PLXNA4: variants seen among roughly 807,000 people sequenced by gnomAD.
The protein encoded by PLXNA4 is plexin A4.
PLXNA4 carries 44 observed loss-of-function variants against 191.8 expected under a neutral mutation model. The ratio of observed to expected loss-of-function variants is 0.23; its 90% CI spans 0.18 to 0.29. The LOEUF is 0.29. PLXNA4 is among the 10% of genes least tolerant of loss of function. The pLI, the probability that PLXNA4 is intolerant of heterozygous loss-of-function variation, is 1.00. For synonymous variants in PLXNA4, 1,082 were observed against 1,009.5 expected (o/e 1.07, Z -1.36); for missense variants, 1,800 against 2,488.8 (o/e 0.72, Z 5.89).
chr7:132,641,927 G>A (rs1340308177), intron 2 of PLXNA4, among the ~76,000 whole-genome samples: 1 of 152,168 alleles, frequency 6.6e-6, no homozygotes, highest in African/African-American at 2.4e-5. Context: ...ATTTAAAAGT[G>A]AGACACATCC....
chr7:132,434,406 G>A (rs1006366016), intron 3 of PLXNA4, among the ~76,000 whole-genome samples: 6 of 152,154 alleles, frequency 3.9e-5, no homozygotes, highest in African/African-American at 1.4e-4. Flanking sequence ...AGGGCAGAGA[G>A]GTAGGTGAAC....
chr7:132,494,895 A>G (rs1386096870), intron 2 of PLXNA4, among the ~76,000 whole-genome samples: 3 of 152,182 alleles, frequency 2.0e-5, no homozygotes, highest in Non-Finnish European at 4.4e-5. Flanking sequence ...CCACTGCCCA[A>G]GGACCCCAGA....
At chr7:132,369,685 C>T (rs567257990) in intron 3 of PLXNA4, among the ~76,000 whole-genome samples, 1 of 152,120 alleles carries the variant, frequency 6.6e-6, no homozygotes, top group Non-Finnish European at 1.5e-5. Context: ...AAGAGCTCAT[C>T]AAAGAAAGGG....
intron 3 of PLXNA4, among the ~76,000 whole-genome samples, chr7:132,479,594 G>C (rs1335550923): frequency 6.6e-6 from 1 of 152,226 alleles, no homozygotes; most frequent in Non-Finnish European, 1.5e-5. Flanking sequence ...GGCAGTGGGT[G>C]TCCAGGAGTG....
At chr7:132,599,613 G>T (rs1247500916) in intron 2 of PLXNA4, among the ~76,000 whole-genome samples, 2 of 151,614 alleles carry the variant, frequency 1.3e-5, no homozygotes, top group African/African-American at 4.8e-5. Flanking sequence ...GTGTTTTCTA[G>T]GTAAGTGATC....
chr7:132,569,941 T>C (rs1801897841), intron 1 of PLXNA4, among the ~76,000 whole-genome samples: 1 of 152,234 alleles, frequency 6.6e-6, no homozygotes, highest in Non-Finnish European at 1.5e-5. Context: ...AAATTTTCAC[T>C]GTAGAAGCCA....
intron 1 of PLXNA4, among the ~76,000 whole-genome samples, chr7:132,510,548 C>T (rs1447773503): frequency 2.0e-5 from 3 of 152,160 alleles, no homozygotes; most frequent in African/African-American, 7.2e-5. Context: ...AATGCGTAGT[C>T]AAATCAGGCC....
At chr7:132,187,335 G>C (rs1418484456) in intron 15 of PLXNA4, 136 bp downstream of exon 15, 2 of 1,409,662 alleles carry the variant, frequency 1.4e-6, no homozygotes, top group Admixed American at 2.4e-5. Flanking sequence ...GGCTCTATCT[G>C]TGCAGCTGGC....
At position 132,298,020 on chromosome 7, in the gene PLXNA4, A is replaced by T. The variant is rs944497102; in HGVS notation, c.1503+71T>A. 4 of 1,591,064 alleles carry T rather than the reference A, an allele frequency of 2.5e-6. No individual in the cohort carries two copies. In the East Asian group the frequency reaches 6.7e-5, roughly 27 times the overall value. ...TCACCTCTCTGCAGCTGGCCTCCTA[A>T]GGTTTGTACTGAGCCACAGGCTAGT... is the stretch of plus-strand genomic sequence containing the variant. On this transcript the variant is annotated intron_variant, in intron 4 of 31. Coordinates refer to ENST00000321063, the MANE Select transcript of PLXNA4 (RefSeq NM_020911.2).
chr7:132,583,262 G>A (rs1362301354), intron 2 of PLXNA4, among the ~76,000 whole-genome samples: 1 of 152,194 alleles, frequency 6.6e-6, no homozygotes, highest in Admixed American at 6.5e-5. Flanking sequence ...ACCAGGCCCA[G>A]TGGTGCTGAA....
At chr7:132,170,693 G>A (rs566804915) in intron 21 of PLXNA4, among the ~76,000 whole-genome samples, 1 of 152,362 alleles carries the variant, frequency 6.6e-6, no homozygotes, top group South Asian at 2.1e-4. Flanking sequence ...AGAGCCCTGA[G>A]ATCCCTTCCA....
chr7:132,181,714 T>C (rs1303191141), intron 17 of PLXNA4, 94 bp from the exon 18 acceptor site: 10 of 1,520,556 alleles, frequency 6.6e-6, no homozygotes, highest in Non-Finnish European at 8.8e-6. Flanking sequence ...GTCATCGGGA[T>C]AGCAAGGGGT....
intron 5 of PLXNA4, among the ~76,000 whole-genome samples, chr7:132,228,902 A>G (rs1340523672): frequency 6.6e-6 from 1 of 151,770 alleles, no homozygotes; most frequent in Non-Finnish European, 1.5e-5. Context: ...TCACTTCTCC[A>G]CCTGTCCAGT....
intron 30 of PLXNA4, 144 bp from the exon 31 acceptor site, chr7:132,133,343 C>T (rs1795023264): frequency 7.2e-7 from 1 of 1,380,346 alleles, no homozygotes; most frequent in Non-Finnish European, 9.7e-7. Context: ...ACCTGGGGAC[C>T]ACTGTGGTCT....
chr7:132,198,552 C>T lies in PLXNA4; in HGVS notation c.2671G>A (p.Ala891Thr), dbSNP rs62622406. ...ENLGLEFRDI[A>T]SHVKVAGVEC... Reference sequence around the variant, plus strand: ...ACGCCAGCAACCTTGACATGGGAGGCGATGTCGCGAAATTCCAGGCCCAGG... The same window carrying T: ...ACGCCAGCAACCTTGACATGGGAGGTGATGTCGCGAAATTCCAGGCCCAGG... The change falls in exon 13 of 32, where the codon GCC becomes ACC. Residue 891 changes from alanine (A) to threonine (T), a missense_variant. Transcript: ENST00000321063. The T allele has an allele frequency of 0.013, 21,717 of 1,614,200 alleles. 192 individuals carry two copies. The highest frequency in any genetic ancestry group is 0.016 in the Non-Finnish European group (18,510 of 1,180,034).
chr7:132,237,740 A>G (rs549749164), intron 5 of PLXNA4, among the ~76,000 whole-genome samples: 57 of 152,350 alleles, frequency 3.7e-4, no homozygotes, highest in Non-Finnish European at 6.5e-4. Context: ...TCGTGCCATC[A>G]CTGTGAGAAG....
intron 1 of PLXNA4, among the ~76,000 whole-genome samples, chr7:132,647,349 A>G (rs1229841887): frequency 1.3e-5 from 2 of 151,952 alleles, no homozygotes; most frequent in Non-Finnish European, 2.9e-5. Flanking sequence ...ATACACTCAC[A>G]CATACACTGA....
chr7:132,556,257 G>A (rs1157494887), intron 1 of PLXNA4, among the ~76,000 whole-genome samples: 1 of 152,230 alleles, frequency 6.6e-6, no homozygotes, highest in Non-Finnish European at 1.5e-5. Flanking sequence ...TTCTGCTGCT[G>A]CATGCCCCTC....
At chr7:132,522,871 A>G (rs75544459) in intron 1 of PLXNA4, among the ~76,000 whole-genome samples, 6,776 of 152,258 alleles carry the variant, frequency 0.045, 493 homozygotes, top group African/African-American at 0.15. Flanking sequence ...AAGGCCCATG[A>G]TAAATGCACA....
Sources: gnomAD v4.1 joint callset for allele counts (sites outside exome capture counted in the v4.1 genomes callset) on GRCh38, gnomAD v4.1.1 for gene constraint, MANE v1.5 for transcripts, NCBI Gene and HGNC (gene_info 2026-07-23, HGNC 2026-07-21) for gene names.